The following KLF17 variants were observed in gnomAD, a reference collection of about 807,000 sequenced individuals.
The protein encoded by KLF17 is KLF transcription factor 17, also known as Krueppel-like factor 17.
In KLF17, 31 loss-of-function variants were observed where a neutral mutation model predicts 34.2. That is an observed-to-expected ratio of 0.91 (90% CI 0.68 to 1.22). KLF17 has a LOEUF of 1.22. KLF17 is among the 50% of genes most tolerant of loss of function. The probability of loss-of-function intolerance (pLI) is 0.00; values close to 1 mark genes in which losing one functional copy is unlikely to be tolerated. For missense variants in KLF17, 478 were observed against 505.2 expected (o/e 0.95, Z 0.52); for synonymous variants, 179 against 186.7 (o/e 0.96, Z 0.34).
chr1:44,090,934 GCA>G, the KLF17 span, among the ~76,000 whole-genome samples: 100 of 141,074 alleles, frequency 7.1e-4, no homozygotes, highest in African/African-American at 1.8e-3. Context: ...ACATGCACAC[GCA>G]CACACACACA....
At chr1:44,054,450 A>T in the KLF17 span, among the ~76,000 whole-genome samples, 1 of 146,584 alleles carries the variant, frequency 6.8e-6, no homozygotes, top group African/African-American at 2.5e-5. Context: ...CACTTGCTGG[A>T]CTCTAGGCAA....
intron 1 of KLF17, among the ~76,000 whole-genome samples, chr1:44,120,016 T>C (rs1021552152): frequency 3.3e-5 from 5 of 152,130 alleles, no homozygotes; most frequent in African/African-American, 1.2e-4. Flanking sequence ...ATTGTGGAGA[T>C]GTTTTGGAGG....
At chr1:44,112,280 G>A in the KLF17 span, among the ~76,000 whole-genome samples, 1 of 152,146 alleles carries the variant, frequency 6.6e-6, no homozygotes, top group Non-Finnish European at 1.5e-5. Flanking sequence ...GTCTAAGCCT[G>A]TACCTTCAAA....
In KLF17 at chr1:44,127,658, CTT is replaced by C. The variant is rs879618450; in HGVS notation, c.82-1693_82-1692del. Among the ~76,000 whole-genome samples the C allele has an allele frequency of 1.5e-3, 62 of 42,134 alleles. 1 individual carries two copies. Among genetic ancestry groups the C allele is most frequent in the African/African-American group, 4.6e-3 (61 of 13,218 alleles). The allele number at this position is 42,134 out of a possible 152,430, so 27.6% of individuals were successfully genotyped here. On this transcript the variant is annotated intron_variant, in intron 1 of 3. Coordinates refer to ENST00000372299, the MANE Select transcript of KLF17 (RefSeq NM_173484.4). ...TCTTTCCTTCTTTCTTTCTTTCTTTCTTTCTTTCTTTCTTTCTTTCTTTCTTT... is the reference window on the plus strand; with the variant it reads ...TCTTTCCTTCTTTCTTTCTTTCTTTCTCTTTCTTTCTTTCTTTCTTTCTTT...
chr1:44,126,403 G>T (rs2088008994), intron 1 of KLF17, among the ~76,000 whole-genome samples: 1 of 152,198 alleles, frequency 6.6e-6, no homozygotes. Flanking sequence ...GTGTGTATCG[G>T]TAGCTACTAC....
chr1:44,118,999 T>G lies in KLF17; in HGVS notation c.81+11T>G. 1 of 1,596,046 alleles carries G rather than the reference T, an allele frequency of 6.3e-7. No homozygotes were observed. Among genetic ancestry groups the G allele is most frequent in the Non-Finnish European group, 8.5e-7 (1 of 1,171,746 alleles). ...CACCAGGCTGCCCAGGTGAGTCAGG[T>G]GCCAGCCCCTGGCAGGCCGGGCGGG... On this transcript the variant is annotated intron_variant, in intron 1 of 3. Transcript: ENST00000372299.
rs2088142955 is a variant in KLF17, at chr1:44,134,142, G to A, written c.*905G>A. On this transcript the variant is annotated 3_prime_UTR_variant, in exon 4 of 4. Transcript: ENST00000372299. ...AAGTGGACGTGGAGAGGACCAGAGT[G>A]ATCAAGGGTGTATGATGTGCACTAC... 1 of 152,214 alleles carries A rather than the reference G, an allele frequency of 6.6e-6. No individual in the cohort carries two copies. The highest frequency in any genetic ancestry group is 2.4e-5 in the African/African-American group (1 of 41,438). 9.4% of individuals were successfully genotyped at this position (152,214 alleles called of 1,614,324 possible). A position where few individuals can be genotyped will look rare whatever the true frequency, so the allele number is the denominator to read the frequency against.
chr1:44,063,998 G>A, the KLF17 span, among the ~76,000 whole-genome samples: 1 of 152,280 alleles, frequency 6.6e-6, no homozygotes, highest in East Asian at 1.9e-4. Context: ...CGGGTCAGCA[G>A]GGCAGTGCGG....
At chr1:44,131,884 G>A (rs888225779) in intron 3 of KLF17, among the ~76,000 whole-genome samples, 1 of 152,040 alleles carries the variant, frequency 6.6e-6, no homozygotes, top group Admixed American at 6.6e-5. Flanking sequence ...TTGTAGAGAC[G>A]GGGTTTCACC....
At chr1:44,070,466 G>C in the KLF17 span, among the ~76,000 whole-genome samples, 1 of 151,948 alleles carries the variant, frequency 6.6e-6, no homozygotes, top group Admixed American at 6.6e-5. Flanking sequence ...CTGTGTCTGA[G>C]GTGTTTCACT....
At chr1:44,117,789 C>T (rs2087897465), upstream of KLF17, among the ~76,000 whole-genome samples, 1 of 152,164 alleles carries the variant, frequency 6.6e-6, no homozygotes, top group Non-Finnish European at 1.5e-5. Flanking sequence ...ACCACTGCGC[C>T]CAGCCTCATC....
rs1424458311 is a variant in KLF17 at position 44,134,982 on chromosome 1, A to G, written c.*1745A>G. ...CATACCTGCAAAAAATATTTTGTAT[A>G]TATCCAATTTAATAATAAATGCACT... is the stretch of plus-strand genomic sequence containing the variant. On this transcript the variant is annotated 3_prime_UTR_variant, in exon 4 of 4. Coordinates refer to ENST00000372299, the MANE Select transcript of KLF17 (RefSeq NM_173484.4). 6.6e-6 allele frequency: 1 copy of G among 152,206 alleles called. No homozygotes were observed. Among genetic ancestry groups the G allele is most frequent in the Non-Finnish European group, 1.5e-5 (1 of 68,044 alleles). 9.4% of individuals were successfully genotyped at this position (152,206 alleles called of 1,614,324 possible). A position where few individuals can be genotyped will look rare whatever the true frequency, so the allele number is the denominator to read the frequency against.
the KLF17 span, among the ~76,000 whole-genome samples, chr1:44,067,725 A>G: frequency 6.6e-6 from 1 of 152,118 alleles, no homozygotes; most frequent in Non-Finnish European, 1.5e-5. Flanking sequence ...TTAGAGAAGG[A>G]GCAGCTCACT....
chr1:44,060,768 G>A, the KLF17 span, among the ~76,000 whole-genome samples: 1 of 152,196 alleles, frequency 6.6e-6, no homozygotes, highest in African/African-American at 2.4e-5. Context: ...AGGCATTAAA[G>A]GGGATTCAAG....
the KLF17 span, among the ~76,000 whole-genome samples, chr1:44,085,931 G>A: frequency 3.3e-5 from 5 of 152,134 alleles, no homozygotes; most frequent in Middle Eastern, 0.01. Flanking sequence ...GTAGACTGAG[G>A]AAGACAATAA....
chr1:44,085,630 A>C, the KLF17 span, among the ~76,000 whole-genome samples: 1 of 151,910 alleles, frequency 6.6e-6, no homozygotes, highest in Admixed American at 6.6e-5. Context: ...TCATCTCTAC[A>C]AAAAATAAAA....
chr1:44,121,629 G>A (rs932107408), intron 1 of KLF17, among the ~76,000 whole-genome samples: 5 of 152,138 alleles, frequency 3.3e-5, no homozygotes, highest in African/African-American at 9.7e-5. Flanking sequence ...CTTATAGAAT[G>A]TTCCTTTCCG....
chr1:44,104,108 G>T, the KLF17 span: 2 of 975,952 alleles, frequency 2.0e-6, no homozygotes, highest in Admixed American at 1.7e-5. Flanking sequence ...GCCTGAGGAA[G>T]TTGATCTCGT....
At chr1:44,122,837 G>A (rs1557729845) in intron 1 of KLF17, among the ~76,000 whole-genome samples, 4 of 152,024 alleles carry the variant, frequency 2.6e-5, no homozygotes, top group Admixed American at 2.6e-4. Context: ...GACCTCAAGT[G>A]ATCCACCCCC....
Sources: gnomAD v4.1 joint callset for allele counts (sites outside exome capture counted in the v4.1 genomes callset) on GRCh38, gnomAD v4.1.1 for gene constraint, MANE v1.5 for transcripts, NCBI Gene and HGNC (gene_info 2026-07-23, HGNC 2026-07-21) for gene names.